NALCN: variants seen among roughly 807,000 people sequenced by gnomAD.
The protein encoded by NALCN is sodium leak channel NALCN.
A neutral mutation model predicts 225.3 loss-of-function variants in NALCN; 111 were observed. That is an observed-to-expected ratio of 0.49 (90% CI 0.42 to 0.58). The LOEUF (loss-of-function observed/expected upper bound fraction) is 0.58, where lower values mean the gene tolerates loss of function less well. Ranked by LOEUF, NALCN falls within the 20% of genes least tolerant of loss-of-function variation. NALCN has a pLI of 0.00. For missense variants in NALCN, 1,378 were observed against 2,202.4 expected (o/e 0.63, Z 7.49); for synonymous variants, 764 against 769.0 (o/e 0.99, Z 0.11).
intron 13 of NALCN, among the ~76,000 whole-genome samples, chr13:101,211,511 T>C (rs1183988312): frequency 6.6e-6 from 1 of 151,684 alleles, no homozygotes; most frequent in Non-Finnish European, 1.5e-5. Flanking sequence ...TATCATTTCA[T>C]CATTATGCCA....
intron 10 of NALCN, among the ~76,000 whole-genome samples, chr13:101,271,890 CAT>C (rs910350249): frequency 9.7e-5 from 11 of 113,738 alleles, no homozygotes; most frequent in African/African-American, 1.3e-4. Context: ...TGCATGTGTG[CAT>C]ATGTGTGTGC....
Position 101,068,772 on chromosome 13 carries a change from C to A in NALCN, c.4253G>T (p.Gly1418Val). The A allele has an allele frequency of 1.9e-6, 3 of 1,612,874 alleles. No homozygotes were observed. The highest frequency in any genetic ancestry group is 2.5e-6 in the Non-Finnish European group (3 of 1,179,530). ...DEFTYWATDC[G>V]NYAGALMYFC... Reference sequence around the variant, plus strand: ...ATACATAAGTGCCCCAGCATAATTTCCACAGTCTGTTGCCCAGTATGTAAA... The same window carrying A: ...ATACATAAGTGCCCCAGCATAATTTACACAGTCTGTTGCCCAGTATGTAAA... Residue 1418 changes from glycine to valine, a missense_variant, in exon 38 of 44, where the codon GGA becomes GTA. By Grantham distance (109) the Gly-to-Val change is moderately radical. Around this residue, in one of 19 missense-constraint regions of NALCN, gnomAD observed 76 missense variants for 118.7 expected, o/e 0.64. Coordinates refer to ENST00000251127, the MANE Select transcript of NALCN (RefSeq NM_052867.4).
At chr13:101,286,956 C>G (rs937265147) in intron 9 of NALCN, among the ~76,000 whole-genome samples, 3 of 151,918 alleles carry the variant, frequency 2.0e-5, no homozygotes, top group Non-Finnish European at 2.9e-5. Context: ...ATCAGCATAT[C>G]TTCACATCAA....
chr13:101,172,897 G>A (rs2038799511), intron 15 of NALCN, among the ~76,000 whole-genome samples: 1 of 150,916 alleles, frequency 6.6e-6, no homozygotes, highest in South Asian at 2.1e-4. Context: ...AACAGGCCCT[G>A]GTTTTTATTA....
intron 7 of NALCN, among the ~76,000 whole-genome samples, chr13:101,343,351 T>C (rs534335075): frequency 6.6e-6 from 1 of 152,236 alleles, no homozygotes; most frequent in South Asian, 2.1e-4. Flanking sequence ...ACGGATGAAA[T>C]TAAGCCTGTA....
chr13:101,178,474 A>T (rs576200489), intron 14 of NALCN, among the ~76,000 whole-genome samples: 1 of 152,292 alleles, frequency 6.6e-6, no homozygotes, highest in South Asian at 2.1e-4. Flanking sequence ...TACTTTTAAG[A>T]GCCAAATAAG....
At position 101,055,255 on chromosome 13, in the gene NALCN, C is replaced by T. The variant is rs1259181526; in HGVS notation, c.*40G>A. ...GACAATCAAGGACATTATTAGAAAA[C>T]GGTTTCCACCACTAGAAATTCATCT... is the stretch of plus-strand genomic sequence containing the variant. On this transcript the variant is annotated 3_prime_UTR_variant, in exon 44 of 44. Transcript: ENST00000251127. 1.7e-5 allele frequency: 26 copies of T among 1,520,392 alleles called. No homozygotes were observed. The highest frequency in any genetic ancestry group is 4.5e-5 in the East Asian group (2 of 44,064). The allele number at this position is 1,520,392 out of a possible 1,614,324, so 94.2% of individuals were successfully genotyped here.
chr13:101,346,089 A>C (rs188833428), intron 6 of NALCN, among the ~76,000 whole-genome samples: 14,681 of 58,960 alleles, frequency 0.25, 898 homozygotes, highest in Non-Finnish European at 0.31. Context: ...CTCTCTCTCT[A>C]TATATATATA....
rs2047255885 is a variant in NALCN at position 101,395,257 on chromosome 13, T to A, written c.217A>T (p.Thr73Ser). The A allele has an allele frequency of 6.2e-7, 1 of 1,614,040 alleles. No individual in the cohort carries two copies. The highest frequency in any genetic ancestry group is 8.5e-7 in the Non-Finnish European group (1 of 1,179,956). ...HYPPLQYVTF[T>S]LDTLLMFLYT... ...AGAAACATCAATAATGTATCCAAAGTGAAGGTCACATACTGAAGTGGAGGA... is the reference window on the plus strand; with the variant it reads ...AGAAACATCAATAATGTATCCAAAGAGAAGGTCACATACTGAAGTGGAGGA... Residue 73 changes from threonine to serine, a missense_variant, in exon 3 of 44, where the codon ACT (threonine) becomes TCT (serine). By Grantham distance (58) the Thr-to-Ser change is moderately conservative. This residue lies in a region of NALCN where 146 missense variants were observed against 205.9 expected (regional missense o/e 0.71). Transcript: ENST00000251127.
At chr13:101,359,026 G>A (rs960150573) in intron 6 of NALCN, among the ~76,000 whole-genome samples, 2 of 151,978 alleles carry the variant, frequency 1.3e-5, no homozygotes, top group Admixed American at 6.6e-5. Flanking sequence ...GGGGTCTGTC[G>A]CGGGGTGAGG....
intron 6 of NALCN, among the ~76,000 whole-genome samples, chr13:101,372,681 A>G (rs1269998697): frequency 6.6e-6 from 1 of 152,172 alleles, no homozygotes; most frequent in Admixed American, 6.5e-5. Context: ...ATGCAGCTAA[A>G]ACAGTGCTTA....
chr13:101,397,109 T>TACACACAC (rs71121190), intron 2 of NALCN, among the ~76,000 whole-genome samples: 2 of 80,968 alleles, frequency 2.5e-5, no homozygotes, highest in African/African-American at 8.9e-5. Flanking sequence ...TATATATATA[T>TACACACAC]ACATACACAT....
In NALCN at chr13:101,292,193, T is replaced by C. The variant is rs560007532; in HGVS notation, c.942+31A>G. 18 of 1,613,278 alleles carry C rather than the reference T, an allele frequency of 1.1e-5. No individual in the cohort carries two copies. The highest frequency in any genetic ancestry group is 8.9e-5 in the East Asian group (4 of 44,804). ...AGATCTGCAGAACTATCACAGAACA[T>C]AGACTTTCTTAGTACAATTCTTCGC... On this transcript the variant is annotated intron_variant, in intron 8 of 43. Coordinates refer to ENST00000251127, the MANE Select transcript of NALCN (RefSeq NM_052867.4). The surrounding 1 kb of genome is among the most constrained non-coding windows in gnomAD (Gnocchi z 4.3).
chr13:101,056,756 T>C (rs192351476), intron 43 of NALCN, among the ~76,000 whole-genome samples: 18 of 152,284 alleles, frequency 1.2e-4, no homozygotes, highest in Non-Finnish European at 2.2e-4. Context: ...GGCTCTGTCA[T>C]AGACAATTCC....
At chr13:101,267,349 C>T (rs1023352495) in intron 10 of NALCN, among the ~76,000 whole-genome samples, 1 of 152,096 alleles carries the variant, frequency 6.6e-6, no homozygotes, top group African/African-American at 2.4e-5. Flanking sequence ...AAAGAAATCA[C>T]CTCTAAGCAG....
intron 13 of NALCN, among the ~76,000 whole-genome samples, chr13:101,224,949 G>A (rs868330096): frequency 2.0e-5 from 3 of 152,036 alleles, no homozygotes; most frequent in African/African-American, 2.4e-5. Flanking sequence ...AAGTAGCCAC[G>A]TTGACTACCA....
chr13:101,139,098 AT>A (rs1251818040), intron 17 of NALCN, among the ~76,000 whole-genome samples: 3 of 151,986 alleles, frequency 2.0e-5, no homozygotes, highest in African/African-American at 7.3e-5. Context: ...GATTTTAAAG[AT>A]TTTTGTTTGC....
rs2033788422 is a variant in NALCN at position 101,083,790 on chromosome 13, C to G, written c.3504G>C (p.Leu1168=). The change falls in exon 31 of 44, where the codon CTG becomes CTC. Residue 1168 remains leucine (L), a synonymous_variant. Transcript: ENST00000251127. ...CTTCCCATCTTCTCTGATCGACGGTCAGCAAAGCCGTCCCCTTAACAGACA... is the reference window on the plus strand; with the variant it reads ...CTTCCCATCTTCTCTGATCGACGGTGAGCAAAGCCGTCCCCTTAACAGACA... The part of the protein sequence containing the change: ...NFNENKGTAL[L]TVDQRRWEDL... The G allele has an allele frequency of 4.3e-6, 7 of 1,613,678 alleles. No homozygotes were observed. The highest frequency in any genetic ancestry group is 5.9e-6 in the Non-Finnish European group (7 of 1,179,710).
chr13:101,399,237 A>G, intron 1 of NALCN, 72 bp from the exon 2 acceptor site: 2 of 1,014,004 alleles, frequency 2.0e-6, no homozygotes, highest in Non-Finnish European at 2.9e-6. Context: ...TTCCCCACAT[A>G]TATCTACTTA....
Sources: allele counts gnomAD v4.1 joint callset (sites outside exome capture counted in the v4.1 genomes callset), GRCh38; gene constraint gnomAD v4.1.1; regional missense constraint gnomAD v4.1.1; non-coding constraint Gnocchi (gnomAD v3.1); transcripts MANE v1.5; gene names NCBI Gene and HGNC (gene_info 2026-07-23, HGNC 2026-07-21).